The following CERKL variants were observed in gnomAD, a reference collection of about 807,000 sequenced individuals.
The protein encoded by CERKL is ceramide kinase-like protein.
Under a neutral mutation model 63.4 loss-of-function variants are expected in CERKL, and 61 were observed. That is an observed-to-expected ratio of 0.96 (90% confidence interval 0.78 to 1.19). CERKL has a LOEUF of 1.19. CERKL is among the 50% of genes most tolerant of loss of function. The probability of loss-of-function intolerance (pLI) is 0.00; values close to 1 mark genes in which losing one functional copy is unlikely to be tolerated. For missense variants in CERKL, 675 were observed against 655.5 expected, an observed-to-expected ratio of 1.03 and a Z score of -0.33; for synonymous variants, 250 against 230.5, an observed-to-expected ratio of 1.08 and a Z score of -0.77.
intron 8 of CERKL, 85 bp downstream of exon 8, chr2:181,548,460 G>T: frequency 9.7e-7 from 1 of 1,027,724 alleles, no homozygotes; most frequent in South Asian, 1.4e-5. Context: ...AATAACCAAA[G>T]ATCCTAAGTC....
rs189121752 is a variant in CERKL, at chr2:181,634,171, A to G, written c.238+22598T>C. Among the ~76,000 whole-genome samples, 569 of 152,310 alleles carry G rather than the reference A, an allele frequency of 3.7e-3. 5 individuals are homozygous for G. The highest frequency in any genetic ancestry group is 5.1e-3 in the Non-Finnish European group (347 of 68,014). On this transcript the variant is annotated intron_variant, in intron 1 of 12. Coordinates refer to ENST00000410087, the MANE Select transcript of CERKL (RefSeq NM_201548.5). ...ACTCAATTTTGTTAATATCAATAGC[A>G]TAAAAACGAGAAAGGAATACAACTC...
At chr2:181,656,741 G>T in intron 1 of CERKL, 28 bp downstream of exon 1, 1 of 1,553,546 alleles carries the variant, frequency 6.4e-7, no homozygotes. Context: ...GCGGAGGGAG[G>T]CGAAGACGCT....
At chr2:181,594,474 G>A (rs1005506478) in intron 2 of CERKL, among the ~76,000 whole-genome samples, 5 of 152,192 alleles carry the variant, frequency 3.3e-5, no homozygotes, top group Non-Finnish European at 5.9e-5. Flanking sequence ...TCTAGACAGA[G>A]GGAAGTCCCT....
chr2:181,650,120 A>C (rs1312861819), intron 1 of CERKL: 1 of 104,074 alleles, frequency 9.6e-6, no homozygotes, highest in African/African-American at 4.6e-5. Flanking sequence ...GGAGGAAGGA[A>C]GGAAGGAAGG....
chr2:181,616,763 T>A (rs991746490), intron 1 of CERKL, among the ~76,000 whole-genome samples: 5 of 152,206 alleles, frequency 3.3e-5, no homozygotes, highest in African/African-American at 1.2e-4. Flanking sequence ...ATATCCTGGC[T>A]AGTTCTTAGA....
intron 2 of CERKL, among the ~76,000 whole-genome samples, chr2:181,581,644 C>G (rs555936664): frequency 6.6e-6 from 1 of 152,302 alleles, no homozygotes; most frequent in Admixed American, 6.5e-5. Flanking sequence ...TCCAAACGTA[C>G]AGTAAGCATT....
intron 2 of CERKL, among the ~76,000 whole-genome samples, chr2:181,591,481 T>C (rs536144724): frequency 1.1e-3 from 160 of 152,210 alleles, no homozygotes; most frequent in Non-Finnish European, 1.9e-3. Flanking sequence ...ACCCAAATAA[T>C]TTTTGAACAC....
At position 181,594,123 on chromosome 2, in the gene CERKL, TCAC is replaced by T. The variant is rs376328355; in HGVS notation, c.481+9711_481+9713del. Among the ~76,000 whole-genome samples the T allele has an allele frequency of 3.9e-3, 600 of 152,332 alleles. 8 individuals carry two copies. The highest frequency in any genetic ancestry group is 0.013 in the African/African-American group (523 of 41,596). ...AGATAAGGAGAATACTCAGTTCACT[TCAC>T]CAACATTTACTGAGCTATGCAGTGT... On this transcript the variant is annotated intron_variant, in intron 2 of 12. Coordinates refer to ENST00000410087, the MANE Select transcript of CERKL (RefSeq NM_201548.5).
chr2:181,545,556 G>C (rs1687688140), intron 10 of CERKL, among the ~76,000 whole-genome samples: 1 of 152,162 alleles, frequency 6.6e-6, no homozygotes, highest in Admixed American at 6.5e-5. Flanking sequence ...AGTATCTTAT[G>C]AAAGCTCAAG....
At chr2:181,631,447 C>CA (rs1389977268) in intron 1 of CERKL, among the ~76,000 whole-genome samples, 2 of 152,060 alleles carry the variant, frequency 1.3e-5, no homozygotes, top group Non-Finnish European at 2.9e-5. Context: ...GCCCAGAGGC[C>CA]AACTAGAAAA....
chr2:181,586,825 C>CA (rs1461633095), intron 2 of CERKL, among the ~76,000 whole-genome samples: 1 of 152,208 alleles, frequency 6.6e-6, no homozygotes, highest in Non-Finnish European at 1.5e-5. Flanking sequence ...CTCCCAGACT[C>CA]ACATCTGTGC....
At chr2:181,595,655 C>T (rs1000273788) in intron 2 of CERKL, among the ~76,000 whole-genome samples, 3 of 152,134 alleles carry the variant, frequency 2.0e-5, no homozygotes, top group South Asian at 2.1e-4. Context: ...TACCATCTAC[C>T]GGTTGTTTAA....
chr2:181,550,116 G>A lies in CERKL; in HGVS notation c.821-408C>T, dbSNP rs1035285948. ...GTGACAAATGCATACATAAATAAAA[G>A]AGAAAATAATCCAAATAATAACTCA... is the stretch of plus-strand genomic sequence containing the variant. On this transcript the variant is annotated intron_variant, in intron 5 of 12. Coordinates refer to ENST00000410087, the MANE Select transcript of CERKL (RefSeq NM_201548.5). The surrounding 1 kb of genome is among the most constrained non-coding windows in gnomAD (Gnocchi z 4.5). 1.8e-4 allele frequency among the ~76,000 whole-genome samples: 27 copies of A among 152,024 alleles called. No homozygotes were observed. The highest frequency in any genetic ancestry group is 6.0e-4 in the African/African-American group (25 of 41,410).
rs111313860 is a variant in CERKL, at chr2:181,556,171, C to G, written c.820+2395G>C. Among the ~76,000 whole-genome samples the G allele has an allele frequency of 1.8e-3, 266 of 151,992 alleles. 4 individuals are homozygous for G. Among genetic ancestry groups the G allele is most frequent in the African/African-American group, 5.7e-3 (237 of 41,442 alleles). Reference sequence around the variant, plus strand: ...TACCCTTAATGTCTGCTCTGCCAGGCTATTGAGTACCTCAAGTAATGCTAT... The same window carrying G: ...TACCCTTAATGTCTGCTCTGCCAGGGTATTGAGTACCTCAAGTAATGCTAT... On this transcript the variant is annotated intron_variant, in intron 5 of 12. Transcript: ENST00000410087.
Position 181,537,200 on chromosome 2 carries a change from GCCCCGATTTAGAACTGT to G in CERKL, c.*967_*983del, listed in dbSNP as rs1160052713. 1 of 453,896 alleles carries G rather than the reference GCCCCGATTTAGAACTGT, an allele frequency of 2.2e-6. No homozygotes were observed. 28.1% of individuals were successfully genotyped at this position (453,896 alleles called of 1,614,324 possible). ...TCTAGGATCATAGATGAAAAATCAAGCCCCGATTTAGAACTGTCTTCTCCAGGATGGTCTCTAAGGAA... is the reference window on the plus strand; with the variant it reads ...TCTAGGATCATAGATGAAAAATCAAGCTTCTCCAGGATGGTCTCTAAGGAA... On this transcript the variant is annotated 3_prime_UTR_variant, in exon 13 of 13. Transcript: ENST00000410087.
chr2:181,646,575 C>T (rs1687681832), intron 1 of CERKL, among the ~76,000 whole-genome samples: 1 of 152,258 alleles, frequency 6.6e-6, no homozygotes, highest in East Asian at 1.9e-4. Flanking sequence ...CCACAGTGTG[C>T]AATACTGACC....
At chr2:181,615,881 T>C (rs1349690602) in intron 1 of CERKL, among the ~76,000 whole-genome samples, 3 of 152,172 alleles carry the variant, frequency 2.0e-5, no homozygotes, top group Admixed American at 1.3e-4. Flanking sequence ...ATAACATTTA[T>C]TAGCAGAAAA....
chr2:181,636,356 T>C (rs1360586865), intron 1 of CERKL, among the ~76,000 whole-genome samples: 2 of 152,158 alleles, frequency 1.3e-5, no homozygotes, highest in Non-Finnish European at 2.9e-5. Flanking sequence ...CAGGCTTACC[T>C]TGCCATTCTC....
chr2:181,632,957 G>A (rs1418290422), intron 1 of CERKL, among the ~76,000 whole-genome samples: 1 of 152,140 alleles, frequency 6.6e-6, no homozygotes, highest in Non-Finnish European at 1.5e-5. Context: ...TTGAGTGCTG[G>A]GCCCAGAGAG....
Sources: gnomAD v4.1 joint callset for allele counts (sites outside exome capture counted in the v4.1 genomes callset) on GRCh38, gnomAD v4.1.1 for gene constraint, Gnocchi (gnomAD v3.1) non-coding constraint, MANE v1.5 for transcripts, NCBI Gene and HGNC (gene_info 2026-07-23, HGNC 2026-07-21) for gene names.